ROBO1: variants seen among roughly 807,000 people sequenced by gnomAD.
ROBO1 encodes roundabout homolog 1.
A neutral mutation model predicts 195.9 loss-of-function variants in ROBO1; 149 were observed. The ratio of observed to expected loss-of-function variants is 0.76; its 90% CI spans 0.67 to 0.87. The LOEUF (loss-of-function observed/expected upper bound fraction) is 0.87, where lower values mean the gene tolerates loss of function less well. Among genes scored for constraint, ROBO1 ranks in the 40% least tolerant of loss-of-function variants. The pLI, the probability that ROBO1 is intolerant of heterozygous loss-of-function variation, is 0.00. For missense variants in ROBO1, 1,933 were observed against 2,068.3 expected (o/e 0.93, Z 1.27); for synonymous variants, 816 against 733.2 (o/e 1.11, Z -1.82).
intron 15 of ROBO1, among the ~76,000 whole-genome samples, chr3:78,661,638 ATGTT>A (rs1179422699): frequency 1.3e-5 from 2 of 152,202 alleles, no homozygotes; most frequent in Non-Finnish European, 2.9e-5. Context: ...AGAAGCTAAA[ATGTT>A]TGATGATTTT....
intron 1 of ROBO1, among the ~76,000 whole-genome samples, chr3:79,693,689 C>A (rs1010598778): frequency 2.0e-5 from 3 of 151,716 alleles, no homozygotes; most frequent in East Asian, 3.9e-4. Flanking sequence ...TTTCCCCCTT[C>A]GACCTTCCAA....
At chr3:78,855,319 C>T (rs573102174) in intron 4 of ROBO1, among the ~76,000 whole-genome samples, 53 of 152,202 alleles carry the variant, frequency 3.5e-4, no homozygotes, top group African/African-American at 1.1e-3. Context: ...CATACTAATA[C>T]GTCTCTCTGA....
chr3:79,156,512 C>A (rs1017598917), intron 2 of ROBO1, among the ~76,000 whole-genome samples: 1 of 151,638 alleles, frequency 6.6e-6, no homozygotes, highest in African/African-American at 2.4e-5. Context: ...GAAAACGATT[C>A]GTTTTTCATG....
intron 29 of ROBO1, among the ~76,000 whole-genome samples, chr3:78,603,411 G>A (rs1703289265): frequency 6.6e-6 from 1 of 152,002 alleles, no homozygotes; most frequent in Non-Finnish European, 1.5e-5. Context: ...GCACTATGAA[G>A]GTTATACTGA....
intron 3 of ROBO1, among the ~76,000 whole-genome samples, chr3:79,041,649 G>T (rs544034805): frequency 6.6e-6 from 1 of 152,128 alleles, no homozygotes; most frequent in Admixed American, 6.5e-5. Flanking sequence ...ATTCTGCAAG[G>T]ACAGATCTGC....
rs1245291267 is a variant in ROBO1 at position 79,363,213 on chromosome 3, G to C, written c.88+226611C>G. The stretch of plus-strand genomic sequence containing the variant: ...TTCTCTTGCTCCCAGTCTTAGCCAT[G>C]ATGAGTTTTCTTGGTTTGCTTATGA... On this transcript the variant is annotated intron_variant, in intron 2 of 30. Coordinates refer to ENST00000464233, the MANE Select transcript of ROBO1 (RefSeq NM_002941.4). Among the ~76,000 whole-genome samples, 8 of 152,284 alleles carry C rather than the reference G, an allele frequency of 5.3e-5. No homozygotes were observed. In the South Asian group the frequency reaches 1.7e-3, roughly 32 times the overall value.
At chr3:79,305,619 T>C (rs941300030) in intron 2 of ROBO1, among the ~76,000 whole-genome samples, 1 of 152,086 alleles carries the variant, frequency 6.6e-6, no homozygotes, top group Non-Finnish European at 1.5e-5. Context: ...GCTTTAAAAT[T>C]CAAGGCTTCC....
rs1378596763 is a variant in ROBO1, at chr3:79,137,826, T to C, written c.89-12287A>G. Among the ~76,000 whole-genome samples, 4 of 152,090 alleles carry C rather than the reference T, an allele frequency of 2.6e-5. No homozygotes were observed. The East Asian group carries it at 5.8e-4, about 22-fold the overall frequency. On this transcript the variant is annotated intron_variant, in intron 2 of 30. Coordinates refer to ENST00000464233, the MANE Select transcript of ROBO1 (RefSeq NM_002941.4). Reference sequence around the variant, plus strand: ...CATCAATCTAACTCTGGGAACTAGATGGAATTTCAATAGCATACAAACAAT... The same window carrying C: ...CATCAATCTAACTCTGGGAACTAGACGGAATTTCAATAGCATACAAACAAT...
rs548066918 is a variant in ROBO1 at position 78,736,134 on chromosome 3, G to A, written c.657+10609C>T. Among the ~76,000 whole-genome samples the A allele has an allele frequency of 6.6e-5, 10 of 152,124 alleles. No individual in the cohort carries two copies. In the South Asian group the frequency reaches 8.3e-4, roughly 13 times the overall value. On this transcript the variant is annotated intron_variant, in intron 5 of 30. Transcript: ENST00000464233. ...GATGATACTCTCTTCCCATTTTGTC[G>A]GAGAGTAAGATAAGAAATACGTAAT...
At chr3:79,087,572 T>G (rs1271909222) in intron 3 of ROBO1, among the ~76,000 whole-genome samples, 1 of 151,754 alleles carries the variant, frequency 6.6e-6, no homozygotes, top group South Asian at 2.1e-4. Flanking sequence ...CATTTCTTTG[T>G]TCCTTCCTTC....
At chr3:78,688,331 GA>G (rs1258468618) in intron 9 of ROBO1, among the ~76,000 whole-genome samples, 1 of 152,048 alleles carries the variant, frequency 6.6e-6, no homozygotes, top group African/African-American at 2.4e-5. Context: ...CCAGATACCT[GA>G]ATAATACAAA....
intron 4 of ROBO1, among the ~76,000 whole-genome samples, chr3:78,860,326 A>ATATTTT (rs376853384): frequency 0.01 from 959 of 93,488 alleles, 21 homozygotes; most frequent in East Asian, 0.072. Context: ...ATATATATAT[A>ATATTTT]TTTTTTTTTT....
chr3:79,559,734 T>C (rs1203090124), intron 2 of ROBO1, among the ~76,000 whole-genome samples: 1 of 152,052 alleles, frequency 6.6e-6, no homozygotes, highest in African/African-American at 2.4e-5. Context: ...CTGACTAACA[T>C]GGTGAAACCC....
intron 2 of ROBO1, among the ~76,000 whole-genome samples, chr3:79,263,837 A>G (rs1182739022): frequency 6.6e-6 from 1 of 152,008 alleles, no homozygotes; most frequent in Non-Finnish European, 1.5e-5. Flanking sequence ...ATCCTCTAAT[A>G]TGTAGTGGGA....
Position 78,679,729 on chromosome 3 carries a change from T to A in ROBO1, c.1342+6017A>T, listed in dbSNP as rs571293374. ...GTTCCATGCTCATGGGTAGGAAGAA[T>A]CAATATCGTGAAAATGGCCATACTG... On this transcript the variant is annotated intron_variant, in intron 10 of 30. Transcript: ENST00000464233. Among the ~76,000 whole-genome samples the A allele has an allele frequency of 9.6e-3, 1,463 of 152,194 alleles. 28 individuals are homozygous for A. The highest frequency in any genetic ancestry group is 0.034 in the African/African-American group (1,391 of 41,506).
chr3:79,520,567 G>A (rs1352825571), intron 2 of ROBO1, among the ~76,000 whole-genome samples: 1 of 152,176 alleles, frequency 6.6e-6, no homozygotes, highest in Non-Finnish European at 1.5e-5. Context: ...TCCATATGGG[G>A]AAAATTGGAG....
At chr3:78,691,717 C>A (rs959770022) in intron 8 of ROBO1, among the ~76,000 whole-genome samples, 1 of 152,152 alleles carries the variant, frequency 6.6e-6, no homozygotes, top group East Asian at 1.9e-4. Flanking sequence ...TAACAGCATA[C>A]AAATGGCTTT....
Position 78,614,803 on chromosome 3 carries a change from AAGG to A in ROBO1, c.4283-6_4283-4del, listed in dbSNP as rs779535027. On this transcript the variant is annotated splice_region_variant and splice_polypyrimidine_tract_variant and intron_variant, in intron 27 of 30. Transcript: ENST00000464233. ...AGACGCATGAAAATGTCGACGGCCT[AAGG>A]AGAAAAAAAAAAAAAATCCAAGCCA... is the stretch of plus-strand genomic sequence containing the variant. 4.0e-5 allele frequency: 63 copies of A among 1,571,278 alleles called. 1 individual carries two copies. The highest frequency in any genetic ancestry group is 1.2e-4 in the Admixed American group (6 of 52,038).
chr3:79,026,576 G>A (rs1469592521), intron 3 of ROBO1, among the ~76,000 whole-genome samples: 2 of 151,926 alleles, frequency 1.3e-5, no homozygotes, highest in Non-Finnish European at 2.9e-5. Flanking sequence ...CTAATGAGAT[G>A]ACATGAAAAA....
Sources: allele counts gnomAD v4.1 joint callset (sites outside exome capture counted in the v4.1 genomes callset), GRCh38; gene constraint gnomAD v4.1.1; transcripts MANE v1.5; gene names NCBI Gene and HGNC (gene_info 2026-07-23, HGNC 2026-07-21).